CSMD1: variants seen among roughly 807,000 people sequenced by gnomAD.
The protein encoded by CSMD1 is CUB and Sushi multiple domains 1.
A neutral mutation model predicts 417.5 loss-of-function variants in CSMD1; 213 were observed. The ratio of observed to expected loss-of-function variants is 0.51; its 90% CI spans 0.46 to 0.57. The LOEUF is 0.57. Among genes scored for constraint, CSMD1 ranks in the 20% least tolerant of loss-of-function variants. The pLI is 0.00. For missense variants in CSMD1, 6,923 were observed against 4,529.7 expected, an observed-to-expected ratio of 1.53 and a Z score of -15.17; for synonymous variants, 2,862 against 1,736.8, an observed-to-expected ratio of 1.65 and a Z score of -16.11.
chr8:3,517,043 G>C (rs1031033778), intron 10 of CSMD1, among the ~76,000 whole-genome samples: 15 of 152,190 alleles, frequency 9.9e-5, no homozygotes, highest in African/African-American at 7.2e-5. Flanking sequence ...TGTGGTGTCA[G>C]ATCAAGGGGA....
At chr8:3,643,657 C>T (rs1488753895) in intron 7 of CSMD1, among the ~76,000 whole-genome samples, 1 of 144,010 alleles carries the variant, frequency 6.9e-6, no homozygotes, top group Non-Finnish European at 1.5e-5. Context: ...GCCGAGATCG[C>T]GCCACTGCAC....
chr8:3,430,929 A>G (rs1814179390), intron 12 of CSMD1, among the ~76,000 whole-genome samples: 1 of 152,238 alleles, frequency 6.6e-6, no homozygotes, highest in African/African-American at 2.4e-5. Context: ...AGCATTGAAT[A>G]GTTGCATGAC....
intron 59 of CSMD1, among the ~76,000 whole-genome samples, chr8:2,965,119 C>T (rs79820837): frequency 1.8e-3 from 279 of 152,278 alleles, no homozygotes; most frequent in African/African-American, 6.0e-3. Context: ...ACTGTCACCA[C>T]GCAAATCCCT....
chr8:4,168,017 T>A (rs1563214460), intron 3 of CSMD1, among the ~76,000 whole-genome samples: 1 of 151,868 alleles, frequency 6.6e-6, no homozygotes, highest in Non-Finnish European at 1.5e-5. Context: ...TAATCCCAGC[T>A]AATCAGGAAG....
chr8:3,797,817 T>G (rs1424311443), intron 5 of CSMD1, among the ~76,000 whole-genome samples: 1 of 151,970 alleles, frequency 6.6e-6, no homozygotes, highest in Non-Finnish European at 1.5e-5. Context: ...ATGTCTGACT[T>G]CATATAAAAG....
rs796092020 is a variant in CSMD1, at chr8:3,709,696, T to G, written c.932-1205A>C. Among the ~76,000 whole-genome samples the G allele has an allele frequency of 1.2e-3, 161 of 131,452 alleles. 10 individuals are homozygous for G. Among genetic ancestry groups the G allele is most frequent in the African/African-American group, 4.4e-3 (154 of 35,338 alleles). The allele number at this position is 131,452 out of a possible 152,430, so 86.2% of individuals were successfully genotyped here. ...CAGCAGCATGTTTTTTTTTTTTTTT[T>G]TTTTTTTTTTTTTCCCTGCTTTCTG... On this transcript the variant is annotated intron_variant, in intron 6 of 69. Transcript: ENST00000635120.
intron 2 of CSMD1, among the ~76,000 whole-genome samples, chr8:4,424,464 A>C (rs577422121): frequency 3.9e-5 from 6 of 152,166 alleles, no homozygotes; most frequent in African/African-American, 1.4e-4. Context: ...ACATCAGAGG[A>C]ATGCAAATTA....
chr8:3,288,199 G>T (rs1803296635), intron 25 of CSMD1, among the ~76,000 whole-genome samples: 1 of 147,280 alleles, frequency 6.8e-6, no homozygotes, highest in Non-Finnish European at 1.5e-5. Flanking sequence ...GCTGGATTTG[G>T]TTTGCCAGTA....
intron 6 of CSMD1, among the ~76,000 whole-genome samples, chr8:3,742,627 T>C (rs1796869048): frequency 6.6e-6 from 1 of 152,170 alleles, no homozygotes; most frequent in African/African-American, 2.4e-5. Flanking sequence ...GGTCCACTTT[T>C]CCTTCTGCTC....
At chr8:4,918,050 T>C (rs1247523847) in intron 1 of CSMD1, among the ~76,000 whole-genome samples, 1 of 152,104 alleles carries the variant, frequency 6.6e-6, no homozygotes, top group Non-Finnish European at 1.5e-5. Flanking sequence ...CTTTGTGATG[T>C]TTAAAGTCTT....
intron 3 of CSMD1, among the ~76,000 whole-genome samples, chr8:4,178,453 A>G (rs1260814145): frequency 2.8e-4 from 42 of 151,254 alleles, no homozygotes; most frequent in African/African-American, 4.9e-4. Flanking sequence ...AGCTATCTAT[A>G]ACAAACCCAC....
chr8:3,092,099 A>G (rs906073991), intron 47 of CSMD1, among the ~76,000 whole-genome samples: 3 of 152,164 alleles, frequency 2.0e-5, no homozygotes, highest in African/African-American at 7.2e-5. Context: ...TATTTCTATG[A>G]ACCCTAGCAC....
chr8:4,424,836 C>G (rs922291480), intron 2 of CSMD1, among the ~76,000 whole-genome samples: 1 of 151,952 alleles, frequency 6.6e-6, no homozygotes. Context: ...ACTTGAGAAA[C>G]TGGTATACAG....
intron 7 of CSMD1, among the ~76,000 whole-genome samples, chr8:3,662,102 G>C (rs1798450886): frequency 6.6e-6 from 1 of 152,094 alleles, no homozygotes; most frequent in Non-Finnish European, 1.5e-5. Context: ...TGCTTAAAGG[G>C]ACATTAGTGG....
chr8:4,135,592 A>G (rs1424966643), intron 3 of CSMD1, among the ~76,000 whole-genome samples: 1 of 152,196 alleles, frequency 6.6e-6, no homozygotes, highest in Non-Finnish European at 1.5e-5. Flanking sequence ...TTCTTAAAAT[A>G]TCAAGAGGAA....
At chr8:4,062,784 A>C (rs1799045806) in intron 3 of CSMD1, among the ~76,000 whole-genome samples, 1 of 152,114 alleles carries the variant, frequency 6.6e-6, no homozygotes, top group Non-Finnish European at 1.5e-5. Context: ...CTGATTGTTC[A>C]AACCCAGTAT....
intron 3 of CSMD1, among the ~76,000 whole-genome samples, chr8:4,394,416 T>G (rs897905600): frequency 2.6e-5 from 4 of 152,238 alleles, no homozygotes; most frequent in African/African-American, 9.6e-5. Flanking sequence ...AATCAATATT[T>G]CGTCCTATTC....
At chr8:3,620,917 C>T (rs1401851716) in intron 7 of CSMD1, among the ~76,000 whole-genome samples, 1 of 152,152 alleles carries the variant, frequency 6.6e-6, no homozygotes, top group African/African-American at 2.4e-5. Flanking sequence ...TTCTAAACAC[C>T]AGTACCTCAC....
At chr8:2,950,427 C>A in intron 66 of CSMD1, 84 bp from the exon 67 acceptor site, 4 of 794,728 alleles carry the variant, frequency 5.0e-6, no homozygotes, top group African/African-American at 3.4e-5. Flanking sequence ...GAATGTGGTA[C>A]GGAGATGATA....
Sources: allele counts gnomAD v4.1 joint callset (sites outside exome capture counted in the v4.1 genomes callset), GRCh38; gene constraint gnomAD v4.1.1; transcripts MANE v1.5; gene names NCBI Gene and HGNC (gene_info 2026-07-23, HGNC 2026-07-21).